KMT2B: variants seen among roughly 807,000 people sequenced by gnomAD.
KMT2B encodes histone-lysine N-methyltransferase 2B.
A neutral mutation model predicts 255.3 loss-of-function variants in KMT2B; 22 were observed. The ratio of observed to expected loss-of-function variants is 0.09; its 90% CI spans 0.06 to 0.12. The LOEUF is 0.12. KMT2B is among the 10% of genes least tolerant of loss of function. The probability of loss-of-function intolerance (pLI) is 1.00; values close to 1 mark genes in which losing one functional copy is unlikely to be tolerated. For missense variants in KMT2B, 3,149 were observed against 3,737.0 expected (o/e 0.84, Z 4.10); for synonymous variants, 1,730 against 1,498.1 (o/e 1.15, Z -3.57).
chr19:35,729,352 T>C, intron 22 of KMT2B, 56 bp downstream of exon 22: 1 of 1,543,864 alleles, frequency 6.5e-7, no homozygotes, highest in Non-Finnish European at 8.7e-7. Flanking sequence ...GGAGGCCTCC[T>C]CCGGTGCAAA....
At position 35,733,351 on chromosome 19, in the gene KMT2B, C is replaced by T. The variant is rs1409900290; in HGVS notation, c.6802C>T (p.Pro2268Ser). The stretch of plus-strand genomic sequence containing the variant: ...CCTGACGCTGGTGCTGAGCAGTGGG[C>T]CAGCCAGCCCGCCCCGCCAGGCCAT... ...PPLTLVLSSG[P>S]ASPPRQAIRV... The change falls in exon 28 of 37, where the codon CCA becomes TCA. Residue 2268 changes from proline (P) to serine (S), a missense_variant. By Grantham distance (74) the Pro-to-Ser change is moderately conservative. Coordinates refer to ENST00000420124, the MANE Select transcript of KMT2B (RefSeq NM_014727.3). The surrounding 1 kb of genome is among the most constrained non-coding windows in gnomAD (Gnocchi z 4.3). 23 of 1,286,312 alleles carry T rather than the reference C, an allele frequency of 1.8e-5. No homozygotes were observed. Among genetic ancestry groups the T allele is most frequent in the Non-Finnish European group, 2.2e-5 (21 of 974,004 alleles). 79.7% of individuals were successfully genotyped at this position (1,286,312 alleles called of 1,614,324 possible). A position where few individuals can be genotyped will look rare whatever the true frequency, so the allele number is the denominator to read the frequency against.
chr19:35,720,884 G>T lies in KMT2B; in HGVS notation c.1537G>T (p.Val513Leu), dbSNP rs757967105. ...TGGPPEDSPT[V>L]APKSTTFLKN... ...AGGCCCTCCGGAAGACAGTCCCACC[G>T]TGGCCCCCAAAAGCACCACCTTCCT... The change falls in exon 3 of 37, where the codon GTG (valine) becomes TTG (leucine). Residue 513 changes from valine to leucine, a missense_variant. Physicochemically the swap from Val to Leu is conservative, Grantham distance 32. Transcript: ENST00000420124. The T allele has an allele frequency of 1.9e-5, 31 of 1,598,914 alleles. No homozygotes were observed. The highest frequency in any genetic ancestry group is 2.6e-5 in the Non-Finnish European group (30 of 1,173,596).
intron 22 of KMT2B, 133 bp from the exon 23 acceptor site, chr19:35,729,833 TG>T: frequency 1.2e-6 from 1 of 822,810 alleles, no homozygotes; most frequent in Non-Finnish European, 1.9e-6. Context: ...TGGATGCGGC[TG>T]GGGAGAGGCT....
chr19:35,726,313 T>G lies in KMT2B; in HGVS notation c.3963T>G (p.Asp1321Glu). 6.2e-7 allele frequency: 1 copy of G among 1,613,732 alleles called. No individual in the cohort carries two copies. Among genetic ancestry groups the G allele is most frequent in the Non-Finnish European group, 8.5e-7 (1 of 1,179,810 alleles). ...GKNWDVEWSG[D>E]YSLCPRCTQL... ...ACTGGGACGTCGAGTGGTCTGGAGA[T>G]TACAGCCTCTGCCCCAGGTGCACCC... Residue 1321 changes from aspartate to glutamate, a missense_variant, in exon 14 of 37, where the codon GAT (aspartate) becomes GAG (glutamate). Coordinates refer to ENST00000420124, the MANE Select transcript of KMT2B (RefSeq NM_014727.3).
chr19:35,721,233 C>A lies in KMT2B; in HGVS notation c.1886C>A (p.Pro629Gln). The A allele has an allele frequency of 6.8e-7, 1 of 1,467,002 alleles. No homozygotes were observed. The highest frequency in any genetic ancestry group is 9.2e-7 in the Non-Finnish European group (1 of 1,085,986). The allele number at this position is 1,467,002 out of a possible 1,614,324, so 90.9% of individuals were successfully genotyped here. A position where few individuals can be genotyped will look rare whatever the true frequency, so the allele number is the denominator to read the frequency against. Reference sequence around the variant, plus strand: ...CCTCCCCCAGCCCCTCCACCTCCCCCGGCCCCCTCCCCACCCCCTGCTCCT... The same window carrying A: ...CCTCCCCCAGCCCCTCCACCTCCCCAGGCCCCCTCCCCACCCCCTGCTCCT... The part of the protein sequence containing the change: ...PPPPPAPPPP[P>Q]APSPPPAPAT... The change falls in exon 3 of 37, where the codon CCG becomes CAG. Residue 629 changes from proline to glutamine, a missense_variant. Around this residue, in one of 18 missense-constraint regions of KMT2B, gnomAD observed 1,188 missense variants for 1,106.4 expected, o/e 1.07. Coordinates refer to ENST00000420124, the MANE Select transcript of KMT2B (RefSeq NM_014727.3).
chr19:35,720,714 C>T lies in KMT2B; in HGVS notation c.1367C>T (p.Ser456Phe). Residue 456 changes from serine to phenylalanine, a missense_variant, in exon 3 of 37, where the codon TCC becomes TTC. Transcript: ENST00000420124. The stretch of plus-strand genomic sequence containing the variant: ...CCTGCCCAAGAGGAGCAGGAGGAAT[C>T]CCCTCCTCCTGTGGTCCCAGCTACG... ...PPPAQEEQEESPPPVVPATCS... is the reference protein window; with the variant it reads ...PPPAQEEQEEFPPPVVPATCS... The T allele has an allele frequency of 2.1e-6, 3 of 1,417,282 alleles. No individual in the cohort carries two copies. Among genetic ancestry groups the T allele is most frequent in the Non-Finnish European group, 2.8e-6 (3 of 1,077,618 alleles). The allele number at this position is 1,417,282 out of a possible 1,614,324, so 87.8% of individuals were successfully genotyped here. A position where few individuals can be genotyped will look rare whatever the true frequency, so the allele number is the denominator to read the frequency against.
Position 35,720,982 on chromosome 19 carries a change from A to G in KMT2B, c.1635A>G (p.Arg545=), listed in dbSNP as rs1317387332. 1.9e-6 allele frequency: 3 copies of G among 1,611,642 alleles called. No homozygotes were observed. In the Admixed American group the frequency reaches 5.0e-5, roughly 27 times the overall value. ...RSSRVIKTPR[R]FMDEDPPKPP... ...CCCGTGTCATCAAGACACCCCGGCG[A>G]TTTATGGATGAAGACCCCCCCAAAC... Residue 545 remains arginine (R), a synonymous_variant, in exon 3 of 37, where the codon CGA becomes CGG. Transcript: ENST00000420124.
Position 35,720,192 on chromosome 19 carries a change from G to A in KMT2B, c.845G>A (p.Gly282Glu), listed in dbSNP as rs1214040913. ...CCAGGACCTGGGACCCCCAGGCGTG[G>A]AGGACAGTCAAGCCGTGGAGGCCGT... ...PGPGPGTPRR[G>E]GQSSRGGRGG... Residue 282 changes from glycine (G) to glutamate (E), a missense_variant, in exon 3 of 37, where the codon GGA becomes GAA. Around this residue, in one of 18 missense-constraint regions of KMT2B, gnomAD observed 1,188 missense variants for 1,106.4 expected, o/e 1.07. Transcript: ENST00000420124. The A allele has an allele frequency of 6.2e-7, 1 of 1,607,868 alleles. No homozygotes were observed. Among genetic ancestry groups the A allele is most frequent in the Non-Finnish European group, 8.5e-7 (1 of 1,177,528 alleles).
intron 1 of KMT2B, among the ~76,000 whole-genome samples, chr19:35,719,129 C>G (rs1969080365): frequency 6.6e-6 from 1 of 152,174 alleles, no homozygotes; most frequent in African/African-American, 2.4e-5. Context: ...AGTGGAGGTC[C>G]CACTTTGGTC....
At chr19:35,730,228 C>T (rs375625432) in intron 23 of KMT2B, 103 bp downstream of exon 23, 7 of 1,595,926 alleles carry the variant, frequency 4.4e-6, no homozygotes, top group East Asian at 4.5e-5. Context: ...CTCTCAGTGT[C>T]TCCTCATCTG....
rs544593098 is a variant in KMT2B, at chr19:35,719,681, G to A, written c.437-103G>A. The A allele has an allele frequency of 3.3e-5, 50 of 1,518,284 alleles. No homozygotes were observed. The African/African-American group carries it at 5.7e-4, about 17-fold the overall frequency. 94.1% of individuals were successfully genotyped at this position (1,518,284 alleles called of 1,614,324 possible). A position where few individuals can be genotyped will look rare whatever the true frequency, so the allele number is the denominator to read the frequency against. ...CAGAGTCCAAGCTAGTCTGGGCAGC[G>A]GGGGAAACACACAAGCAAGACTTAG... is the stretch of plus-strand genomic sequence containing the variant. On this transcript the variant is annotated intron_variant, in intron 2 of 36. Coordinates refer to ENST00000420124, the MANE Select transcript of KMT2B (RefSeq NM_014727.3).
At chr19:35,722,250 G>A (rs1380015465) in intron 3 of KMT2B, 109 bp from the exon 4 acceptor site, 17 of 1,141,222 alleles carry the variant, frequency 1.5e-5, no homozygotes, top group South Asian at 4.7e-5. Flanking sequence ...TGATCTGCCC[G>A]TCTCGGCCTC....
In KMT2B at chr19:35,720,155, G is replaced by C. The variant is rs1471322198; in HGVS notation, c.808G>C (p.Glu270Gln). 3.1e-6 allele frequency: 5 copies of C among 1,600,682 alleles called. No individual in the cohort carries two copies. The highest frequency in any genetic ancestry group is 2.3e-5 in the East Asian group (1 of 44,262). The change falls in exon 3 of 37, where the codon GAG becomes CAG. Residue 270 changes from glutamate to glutamine, a missense_variant. Transcript: ENST00000420124. The part of the protein sequence containing the change: ...KHQTGSWKCK[E>Q]GPGPGPGTPR... ...TCAGACTGGCAGCTGGAAATGCAAG[G>C]AGGGGCCCGGTCCAGGACCTGGGAC...
chr19:35,737,617 C>G lies in KMT2B; in HGVS notation c.7551-19C>G. 6.6e-7 allele frequency: 1 copy of G among 1,510,200 alleles called. No homozygotes were observed. Among genetic ancestry groups the G allele is most frequent in the Non-Finnish European group, 9.0e-7 (1 of 1,110,300 alleles). 93.5% of individuals were successfully genotyped at this position (1,510,200 alleles called of 1,614,324 possible). A position where few individuals can be genotyped will look rare whatever the true frequency, so the allele number is the denominator to read the frequency against. On this transcript the variant is annotated intron_variant, in intron 33 of 36. Coordinates refer to ENST00000420124, the MANE Select transcript of KMT2B (RefSeq NM_014727.3). The surrounding 1 kb of genome is among the most constrained non-coding windows in gnomAD (Gnocchi z 5.3). ...TGTCTTCAACAGTATATTCCTCCTT[C>G]CCCTGCTGCCACCTGCAGGAAGTGC...
Position 35,721,410 on chromosome 19 carries a change from C to T in KMT2B, c.2063C>T (p.Pro688Leu), listed in dbSNP as rs758056276. ...GAGCCTCCTCCTGCCGATGACTCTC[C>T]AGCTGAGCCTGAGCCTCGGGCAGTG... is the stretch of plus-strand genomic sequence containing the variant. Reference protein sequence around the residue: ...EPEPPPADDSPAEPEPRAVGR... With the variant: ...EPEPPPADDSLAEPEPRAVGR... Residue 688 changes from proline (P) to leucine (L), a missense_variant, in exon 3 of 37, where the codon CCA becomes CTA. By Grantham distance (98) the Pro-to-Leu change is moderately conservative. This residue lies in a region of KMT2B where 1,188 missense variants were observed against 1,106.4 expected (regional missense o/e 1.07). Transcript: ENST00000420124. 1 of 1,611,068 alleles carries T rather than the reference C, an allele frequency of 6.2e-7. No homozygotes were observed. The highest frequency in any genetic ancestry group is 1.7e-4 in the Middle Eastern group (1 of 6,058).
chr19:35,722,500 A>G, intron 4 of KMT2B, 28 bp downstream of exon 4: 10 of 1,603,918 alleles, frequency 6.2e-6, no homozygotes, highest in Non-Finnish European at 8.5e-6. Context: ...GGCCCTGAAG[A>G]AGACTGGCGG....
chr19:35,719,714 C>A, intron 2 of KMT2B, 70 bp from the exon 3 acceptor site: 1 of 1,532,550 alleles, frequency 6.5e-7, no homozygotes, highest in Non-Finnish European at 8.8e-7. Flanking sequence ...TAGTCCCTGC[C>A]CTCCTGGAGC....
chr19:35,726,663 C>T (rs913261715), intron 14 of KMT2B, among the ~76,000 whole-genome samples: 2 of 152,078 alleles, frequency 1.3e-5, no homozygotes, highest in Non-Finnish European at 1.5e-5. Flanking sequence ...TTAGCAAGGC[C>T]CTGTGTTCTG....
At chr19:35,735,790 GT>G (rs1969889817) in intron 30 of KMT2B, 1 of 152,278 alleles carries the variant, frequency 6.6e-6, no homozygotes, top group Non-Finnish European at 1.5e-5. Context: ...GTCCACAGCA[GT>G]TTTATCCTTC....
Sources: allele counts gnomAD v4.1 joint callset (sites outside exome capture counted in the v4.1 genomes callset), GRCh38; gene constraint gnomAD v4.1.1; regional missense constraint gnomAD v4.1.1; non-coding constraint Gnocchi (gnomAD v3.1); transcripts MANE v1.5; gene names NCBI Gene and HGNC (gene_info 2026-07-23, HGNC 2026-07-21).